The following NEBL variants were observed in gnomAD, a reference collection of about 807,000 sequenced individuals.
NEBL encodes the protein nebulette, also known as LIM and SH3 protein 2.
NEBL carries 122 observed loss-of-function variants against 140.2 expected under a neutral mutation model. The observed-to-expected ratio is 0.87, with a 90% CI of 0.75 to 1.01. The LOEUF (loss-of-function observed/expected upper bound fraction) is 1.01. Among genes scored for constraint, NEBL ranks in the 50% least tolerant of loss-of-function variants. The pLI, the probability that NEBL is intolerant of heterozygous loss-of-function variation, is 0.00. For synonymous variants in NEBL, 436 were observed against 398.9 expected (o/e 1.09, Z -1.11); for missense variants, 1,365 against 1,231.3 (o/e 1.11, Z -1.62).
At chr10:20,911,176 C>A (rs1019096956) in intron 4 of NEBL, among the ~76,000 whole-genome samples, 10 of 152,090 alleles carry the variant, frequency 6.6e-5, no homozygotes, top group Admixed American at 2.6e-4. Flanking sequence ...AAAATAAAAA[C>A]AAAATATAAA....
intron 3 of NEBL, among the ~76,000 whole-genome samples, chr10:20,984,314 T>C (rs1837168425): frequency 6.6e-6 from 1 of 152,232 alleles, no homozygotes; most frequent in African/African-American, 2.4e-5. Context: ...GCTATAGGAA[T>C]AATGTAGTTG....
intron 3 of NEBL, among the ~76,000 whole-genome samples, chr10:21,218,875 A>G (rs1242763923): frequency 3.3e-5 from 5 of 152,230 alleles, no homozygotes; most frequent in African/African-American, 1.2e-4. Flanking sequence ...TATTTTCGTA[A>G]AATCTGTTTA....
intron 16 of NEBL, among the ~76,000 whole-genome samples, chr10:20,829,672 T>C (rs944005912): frequency 7.2e-5 from 11 of 152,140 alleles, no homozygotes; most frequent in African/African-American, 2.4e-4. Context: ...AGTATCCCAA[T>C]TGTATTTCAG....
chr10:21,285,927 T>A (rs1843049025), intron 1 of NEBL, among the ~76,000 whole-genome samples: 1 of 152,200 alleles, frequency 6.6e-6, no homozygotes, highest in Non-Finnish European at 1.5e-5. Context: ...GTGCATCCAC[T>A]GTCCAGGGTC....
At chr10:21,121,472 T>C (rs926069042) in intron 2 of NEBL, among the ~76,000 whole-genome samples, 1 of 152,234 alleles carries the variant, frequency 6.6e-6, no homozygotes, top group Non-Finnish European at 1.5e-5. Context: ...TTGGACATCA[T>C]TTTTAAGTGC....
chr10:20,875,801 A>G (rs1273522540), intron 5 of NEBL, among the ~76,000 whole-genome samples: 1 of 152,226 alleles, frequency 6.6e-6, no homozygotes, highest in African/African-American at 2.4e-5. Context: ...AAACAAATCC[A>G]GCTGACCCAG....
chr10:20,938,191 G>T (rs1463200059), intron 4 of NEBL, among the ~76,000 whole-genome samples: 2 of 152,194 alleles, frequency 1.3e-5, no homozygotes, highest in African/African-American at 4.8e-5. Context: ...GCACCCCCCA[G>T]TAGGGGCAGA....
At chr10:21,047,101 A>G (rs1834555581) in intron 2 of NEBL, among the ~76,000 whole-genome samples, 1 of 152,234 alleles carries the variant, frequency 6.6e-6, no homozygotes, top group South Asian at 2.1e-4. Context: ...AGATGTACTG[A>G]AAGTCAATCA....
chr10:20,795,181 C>G (rs1836390581), intron 26 of NEBL, among the ~76,000 whole-genome samples: 1 of 152,080 alleles, frequency 6.6e-6, no homozygotes, highest in African/African-American at 2.4e-5. Flanking sequence ...AAGACTGGAT[C>G]TGAAGTTTGA....
chr10:21,084,730 A>G (rs1307738047), intron 2 of NEBL, among the ~76,000 whole-genome samples: 1 of 152,228 alleles, frequency 6.6e-6, no homozygotes, highest in Non-Finnish European at 1.5e-5. Context: ...TCTAAGAAAT[A>G]CTGAATGAAT....
chr10:20,998,972 A>T (rs1015936691), intron 3 of NEBL, among the ~76,000 whole-genome samples: 1 of 152,198 alleles, frequency 6.6e-6, no homozygotes, highest in African/African-American at 2.4e-5. Context: ...ACAAGTGAAG[A>T]TATGCTGGGT....
chr10:21,213,175 T>G (rs1841943123), intron 3 of NEBL, among the ~76,000 whole-genome samples: 1 of 152,234 alleles, frequency 6.6e-6, no homozygotes, highest in Non-Finnish European at 1.5e-5. Flanking sequence ...CCATTTCTGT[T>G]TACTCACTAA....
chr10:21,233,386 C>T (rs949132609), intron 3 of NEBL, among the ~76,000 whole-genome samples: 7 of 152,060 alleles, frequency 4.6e-5, no homozygotes, highest in African/African-American at 1.7e-4. Flanking sequence ...CTCTGGCACA[C>T]TATTCAGAAT....
intron 4 of NEBL, among the ~76,000 whole-genome samples, chr10:20,932,831 A>C (rs1834261225): frequency 1.3e-5 from 2 of 152,226 alleles, no homozygotes; most frequent in African/African-American, 4.8e-5. Context: ...TAACCTCAGC[A>C]ATCCCTAACT....
At chr10:20,934,256 C>T (rs1834359263) in intron 4 of NEBL, among the ~76,000 whole-genome samples, 1 of 152,166 alleles carries the variant, frequency 6.6e-6, no homozygotes, top group Non-Finnish European at 1.5e-5. Flanking sequence ...CTCCTTGAAA[C>T]TCAAATTCGG....
chr10:20,861,413 C>T (rs1427000946), intron 7 of NEBL, among the ~76,000 whole-genome samples: 2 of 152,118 alleles, frequency 1.3e-5, no homozygotes, highest in East Asian at 3.9e-4. Context: ...TCCTGACCTT[C>T]ATCTCCTGAC....
intron 2 of NEBL, among the ~76,000 whole-genome samples, chr10:20,894,071 T>C (rs983417593): frequency 6.6e-6 from 1 of 152,172 alleles, no homozygotes; most frequent in Admixed American, 6.5e-5. Flanking sequence ...GTTCTGATTA[T>C]TACATATTGG....
rs72278772 is a variant in NEBL, at chr10:21,094,499, CAAAAAAAAAAAAAAAAAA to C, written c.165-74316_165-74299del. Among the ~76,000 whole-genome samples, 6 of 63,216 alleles carry C rather than the reference CAAAAAAAAAAAAAAAAAA, an allele frequency of 9.5e-5. No homozygotes were observed. In the South Asian group the frequency reaches 2.1e-3, roughly 22 times the overall value. The allele number at this position is 63,216 out of a possible 152,430, so 41.5% of individuals were successfully genotyped here. ...CCTGGGAGACAGCGAGACTCCGTCT[CAAAAAAAAAAAAAAAAAA>C]AAAAAAAAAAAAAAATTAGCCAGAT... On this transcript the variant is annotated intron_variant, in intron 2 of 6. Transcript: ENST00000417816.
intron 2 of NEBL, among the ~76,000 whole-genome samples, chr10:21,075,885 T>G (rs1435586090): frequency 6.6e-6 from 1 of 152,130 alleles, no homozygotes; most frequent in Non-Finnish European, 1.5e-5. Flanking sequence ...GAACAGATAT[T>G]TCTTCAAAGA....
Sources: allele counts gnomAD v4.1 joint callset (sites outside exome capture counted in the v4.1 genomes callset), GRCh38; gene constraint gnomAD v4.1.1; transcripts MANE v1.5; gene names NCBI Gene and HGNC (gene_info 2026-07-23, HGNC 2026-07-21).